The following CMIP variants were observed in gnomAD, a reference collection of about 807,000 sequenced individuals.
CMIP encodes the protein C-Maf-inducing protein.
CMIP carries 13 observed loss-of-function variants against 97.3 expected under a neutral mutation model. The ratio of observed to expected loss-of-function variants is 0.13; its 90% confidence interval spans 0.09 to 0.21. CMIP has a LOEUF of 0.21. Ranked by LOEUF, CMIP falls within the 10% of genes least tolerant of loss-of-function variation. The pLI is 1.00. For synonymous variants in CMIP, 538 were observed against 436.3 expected, an observed-to-expected ratio of 1.23 and a Z score of -2.91; for missense variants, 847 against 1,024.9, an observed-to-expected ratio of 0.83 and a Z score of 2.37.
rs1597238174 is a variant in CMIP at position 81,678,717 on chromosome 16, G to A, written c.1388+89G>A. Reference sequence around the variant, plus strand: ...GGTGCGGCTGTGTTTGTTGGTTCGAGCTACGCAGGGCCGGGCATGGTAGAG... The same window carrying A: ...GGTGCGGCTGTGTTTGTTGGTTCGAACTACGCAGGGCCGGGCATGGTAGAG... On this transcript the variant is annotated intron_variant, in intron 10 of 20. Transcript: ENST00000537098. 34 of 644,008 alleles carry A rather than the reference G, an allele frequency of 5.3e-5. No homozygotes were observed. In the East Asian group the frequency reaches 9.0e-4, roughly 17 times the overall value. 39.9% of individuals were successfully genotyped at this position (644,008 alleles called of 1,614,324 possible). A position where few individuals can be genotyped will look rare whatever the true frequency, so the allele number is the denominator to read the frequency against.
intron 5 of CMIP, 55 bp from the exon 6 acceptor site, chr16:81,660,829 G>C: frequency 1.9e-6 from 3 of 1,600,570 alleles, no homozygotes; most frequent in Non-Finnish European, 2.6e-6. Context: ...ATTGTTCGAA[G>C]TCTTTCCGTG....
chr16:81,700,908 G>T (rs1367251079), intron 15 of CMIP, among the ~76,000 whole-genome samples: 1 of 152,144 alleles, frequency 6.6e-6, no homozygotes, highest in Non-Finnish European at 1.5e-5. Flanking sequence ...CGGAGGCCAT[G>T]GGGGAGGGCT....
At chr16:81,457,177 C>A (rs1336413134) in intron 1 of CMIP, among the ~76,000 whole-genome samples, 2 of 152,010 alleles carry the variant, frequency 1.3e-5, no homozygotes, top group Non-Finnish European at 2.9e-5. Flanking sequence ...CCCTCCGACC[C>A]CCCCGCCAGT....
intron 1 of CMIP, among the ~76,000 whole-genome samples, chr16:81,573,299 G>A (rs1031099163): frequency 1.3e-5 from 2 of 151,488 alleles, no homozygotes; most frequent in South Asian, 2.1e-4. Flanking sequence ...AGCCGAGATC[G>A]CGTCACTGCA....
chr16:81,505,833 A>G (rs1024897986), intron 1 of CMIP, among the ~76,000 whole-genome samples: 2 of 152,148 alleles, frequency 1.3e-5, no homozygotes, highest in Non-Finnish European at 2.9e-5. Flanking sequence ...TCTACTAAAT[A>G]CAAAACAAAA....
chr16:81,537,928 G>C (rs2090376490), intron 1 of CMIP, among the ~76,000 whole-genome samples: 1 of 152,206 alleles, frequency 6.6e-6, no homozygotes, highest in Non-Finnish European at 1.5e-5. Context: ...GAGAGCCCTG[G>C]GTGCAGAGTC....
At chr16:81,648,014 C>T (rs959939839) in intron 3 of CMIP, among the ~76,000 whole-genome samples, 2 of 123,320 alleles carry the variant, frequency 1.6e-5, no homozygotes, top group Admixed American at 7.9e-5. Context: ...ACCCTCCCCC[C>T]GCACCCGCAG....
chr16:81,570,329 G>A (rs542624528), intron 1 of CMIP, among the ~76,000 whole-genome samples: 1 of 152,310 alleles, frequency 6.6e-6, no homozygotes, highest in Non-Finnish European at 1.5e-5. Flanking sequence ...CTGGGAACTG[G>A]CAGTAGACTT....
At chr16:81,667,116 G>A (rs1480429574) in intron 7 of CMIP, 2 of 152,126 alleles carry the variant, frequency 1.3e-5, no homozygotes, top group African/African-American at 2.4e-5. Flanking sequence ...GAAACGGGGG[G>A]AACGTAGCCA....
At chr16:81,483,140 G>A (rs375414856) in intron 1 of CMIP, among the ~76,000 whole-genome samples, 24 of 152,214 alleles carry the variant, frequency 1.6e-4, no homozygotes, top group South Asian at 4.1e-4. Flanking sequence ...AGGGTGTGGC[G>A]TCTGTGTGTG....
At chr16:81,623,001 A>C (rs1417519793) in intron 3 of CMIP, among the ~76,000 whole-genome samples, 1 of 152,214 alleles carries the variant, frequency 6.6e-6, no homozygotes, top group Non-Finnish European at 1.5e-5. Flanking sequence ...TCAGGAGTTC[A>C]AGACCAGCCT....
At chr16:81,606,348 G>A (rs1036890400) in intron 1 of CMIP, among the ~76,000 whole-genome samples, 1 of 152,190 alleles carries the variant, frequency 6.6e-6, no homozygotes, top group African/African-American at 2.4e-5. Flanking sequence ...AGGGTGCATG[G>A]GAGAGCCAGG....
rs750810350 is a variant in CMIP, at chr16:81,705,517, C to G, written c.2110C>G (p.Arg704Gly). The G allele has an allele frequency of 6.2e-7, 1 of 1,605,834 alleles. No individual in the cohort carries two copies. ...TCTACAGTTTGGAGACGCTGGCCTTCGGCTCCTGTCGGAACACCTCACCAT... is the reference window on the plus strand; with the variant it reads ...TCTACAGTTTGGAGACGCTGGCCTTGGGCTCCTGTCGGAACACCTCACCAT... ...WSTQFGDAGL[R>G]LLSEHLTMLQ... The change falls in exon 19 of 21, where the codon CGG becomes GGG. Residue 704 changes from arginine (R) to glycine (G), a missense_variant. Physicochemically the swap from Arg to Gly is moderately radical, Grantham distance 125. Around this residue, in one of 4 missense-constraint regions of CMIP, gnomAD observed 266 missense variants for 384.2 expected, o/e 0.69. Coordinates refer to ENST00000537098, the MANE Select transcript of CMIP (RefSeq NM_198390.3).
chr16:81,675,962 G>C (rs1428692429), intron 9 of CMIP, among the ~76,000 whole-genome samples: 3 of 152,240 alleles, frequency 2.0e-5, no homozygotes, highest in Non-Finnish European at 4.4e-5. Context: ...TTCAGTGGCA[G>C]AACTTTTATC....
chr16:81,638,977 C>T (rs1353484287), intron 3 of CMIP, among the ~76,000 whole-genome samples: 1 of 152,130 alleles, frequency 6.6e-6, no homozygotes, highest in Non-Finnish European at 1.5e-5. Flanking sequence ...GAGAAACAGC[C>T]CCCGCCGGGA....
At chr16:81,578,624 C>T (rs2091242564) in intron 1 of CMIP, among the ~76,000 whole-genome samples, 1 of 152,234 alleles carries the variant, frequency 6.6e-6, no homozygotes, top group Non-Finnish European at 1.5e-5. Context: ...ATGAAATCTC[C>T]ATGCCATGGG....
chr16:81,675,425 G>A (rs1229304755), intron 9 of CMIP, among the ~76,000 whole-genome samples: 1 of 149,332 alleles, frequency 6.7e-6, no homozygotes, highest in Non-Finnish European at 1.5e-5. Flanking sequence ...CGCCATGTTG[G>A]CCAGGCTGGT....
At chr16:81,598,070 C>G (rs2091592868) in intron 1 of CMIP, among the ~76,000 whole-genome samples, 1 of 152,154 alleles carries the variant, frequency 6.6e-6, no homozygotes, top group South Asian at 2.1e-4. Context: ...GTTTCCTCAT[C>G]TGTGTGGTTT....
At chr16:81,597,860 C>T (rs536713413) in intron 1 of CMIP, among the ~76,000 whole-genome samples, 44 of 152,198 alleles carry the variant, frequency 2.9e-4, no homozygotes, top group African/African-American at 8.2e-4. Flanking sequence ...CTGTCTCCCC[C>T]CCAGCTTGAT....
Sources: gnomAD v4.1 joint callset for allele counts (sites outside exome capture counted in the v4.1 genomes callset) on GRCh38, gnomAD v4.1.1 for gene constraint, gnomAD v4.1.1 regional missense constraint, MANE v1.5 for transcripts, NCBI Gene and HGNC (gene_info 2026-07-23, HGNC 2026-07-21) for gene names.